Variants in BTD observed in about 807,000 individuals in gnomAD.
BTD encodes biotinidase, also known as biocytinase.
A neutral mutation model predicts 17.7 loss-of-function variants in BTD; 13 were observed. The ratio of observed to expected loss-of-function variants is 0.74; its 90% CI spans 0.48 to 1.17. The LOEUF is 1.17. Ranked by LOEUF, BTD falls within the 50% of genes most tolerant of loss-of-function variation. BTD has a pLI of 0.00. For synonymous variants in BTD, 240 were observed against 245.2 expected, an observed-to-expected ratio of 0.98 and a Z score of 0.20; for missense variants, 674 against 650.4, an observed-to-expected ratio of 1.04 and a Z score of -0.39.
At chr3:15,717,056 G>A (rs2073159179), downstream of BTD, among the ~76,000 whole-genome samples, 1 of 152,176 alleles carries the variant, frequency 6.6e-6, no homozygotes, top group Non-Finnish European at 1.5e-5. Context: ...CATTAATCTT[G>A]TTTTATAGAT....
intron 3 of BTD, among the ~76,000 whole-genome samples, chr3:15,665,586 GA>G (rs775429154): frequency 8.5e-5 from 13 of 152,206 alleles, no homozygotes; most frequent in Non-Finnish European, 1.8e-4. Context: ...CATTCCCATG[GA>G]AAAGTTGAAA....
At chr3:15,658,130 T>G (rs574769777), downstream of BTD, among the ~76,000 whole-genome samples, 28 of 148,392 alleles carry the variant, frequency 1.9e-4, no homozygotes, top group Admixed American at 7.4e-4. Flanking sequence ...ATTGCGCCAC[T>G]GCACTCCAGC....
intron 1 of BTD, among the ~76,000 whole-genome samples, chr3:15,626,797 AAAAG>A (rs1559587336): frequency 4.7e-4 from 65 of 138,010 alleles, no homozygotes; most frequent in African/African-American, 1.7e-3. Context: ...AAAAAAAAAG[AAAAG>A]AAAAGAAAAA....
At chr3:15,613,451 G>T (rs1336080979) in intron 1 of BTD, among the ~76,000 whole-genome samples, 1 of 152,018 alleles carries the variant, frequency 6.6e-6, no homozygotes, top group Non-Finnish European at 1.5e-5. Context: ...AGCCCTGCCA[G>T]ATAATATTTC....
intron 1 of BTD, among the ~76,000 whole-genome samples, chr3:15,629,362 A>T (rs181276356): frequency 6.0e-4 from 92 of 152,304 alleles, no homozygotes; most frequent in African/African-American, 2.2e-3. Context: ...ACTTCCAGGC[A>T]TGGGCTCCAG....
chr3:15,614,247 T>A (rs1269327767), intron 1 of BTD, among the ~76,000 whole-genome samples: 1 of 151,678 alleles, frequency 6.6e-6, no homozygotes, highest in East Asian at 1.9e-4. Context: ...CCTCAGCCTC[T>A]TGAGATGCTG....
chr3:15,676,013 G>GTACACATATGTGCATGTGCATGCACA, intron 3 of BTD: 1 of 1,588,792 alleles, frequency 6.3e-7, no homozygotes, highest in Non-Finnish European at 8.6e-7. Flanking sequence ...CATGATACAT[G>GTACACATATGTGCATGTGCATGCACA]TACACATATG....
At chr3:15,691,190 T>G (rs999100193) in intron 3 of BTD, among the ~76,000 whole-genome samples, 19 of 151,168 alleles carry the variant, frequency 1.3e-4, no homozygotes, top group African/African-American at 4.1e-4. Flanking sequence ...TGGCACAATC[T>G]CAGCTCACTG....
intron 1 of BTD, among the ~76,000 whole-genome samples, chr3:15,632,307 T>C (rs1031257289): frequency 1.3e-5 from 2 of 152,206 alleles, no homozygotes; most frequent in Admixed American, 6.5e-5. Context: ...TCTTGTCCAC[T>C]GTTGGACCCC....
At chr3:15,719,843 G>A (rs1010754566) in intron 4 of BTD, among the ~76,000 whole-genome samples, 6 of 151,968 alleles carry the variant, frequency 3.9e-5, no homozygotes, top group Admixed American at 2.6e-4. Flanking sequence ...GCGTGAGCCA[G>A]ACTGTATCCG....
chr3:15,642,099 A>T, intron 3 of BTD, 42 bp downstream of exon 3: 1 of 1,611,750 alleles, frequency 6.2e-7, no homozygotes, highest in Non-Finnish European at 8.5e-7. Context: ...GGGTACACAG[A>T]GGTGATCTAA....
At chr3:15,670,805 C>T (rs1000562139) in intron 3 of BTD, among the ~76,000 whole-genome samples, 9 of 152,136 alleles carry the variant, frequency 5.9e-5, no homozygotes, top group Non-Finnish European at 1.2e-4. Context: ...GAATGATTCC[C>T]CAAGGTCTCA....
Position 15,601,827 on chromosome 3 carries a change from C to A in BTD, c.-84C>A, listed in dbSNP as rs1020107804. The A allele has an allele frequency of 3.1e-6, 5 of 1,614,142 alleles. No homozygotes were observed. The highest frequency in any genetic ancestry group is 2.2e-5 in the South Asian group (2 of 91,080). On this transcript the variant is annotated 5_prime_UTR_variant, in exon 1 of 4. Transcript: ENST00000643237. Reference sequence around the variant, plus strand: ...TTGTCTCCGAGTCGGCCAGCTGGAGCGTTTTCGGGGCTGTAAAGGGAGAAT... The same window carrying A: ...TTGTCTCCGAGTCGGCCAGCTGGAGAGTTTTCGGGGCTGTAAAGGGAGAAT...
At chr3:15,708,143 C>A (rs1559377885) in intron 3 of BTD, 1 of 1,453,364 alleles carries the variant, frequency 6.9e-7, no homozygotes, top group South Asian at 1.3e-5. Flanking sequence ...GACTCTTACT[C>A]CTCCCAGTTA....
At chr3:15,670,493 A>T in intron 3 of BTD, 1 of 1,614,022 alleles carries the variant, frequency 6.2e-7, no homozygotes, top group Non-Finnish European at 8.5e-7. Context: ...CATGGTGGCC[A>T]AAATGAGAGC....
intron 1 of BTD, among the ~76,000 whole-genome samples, chr3:15,620,122 G>A (rs555188538): frequency 6.6e-6 from 1 of 152,256 alleles, no homozygotes; most frequent in South Asian, 2.1e-4. Context: ...ATGTTCAGCG[G>A]TGCACATATT....
At position 15,664,911 on chromosome 3, in the gene BTD, G is replaced by A. The variant is rs796407448; in HGVS notation, c.399+22854G>A. On this transcript the variant is annotated intron_variant, in intron 3 of 3. Transcript: ENST00000672141. ...CAAAAAACTACCTATTAAGTACGAC[G>A]CCTATTACCTGGGTGATGAAATAAT... 2.6e-5 allele frequency among the ~76,000 whole-genome samples: 4 copies of A among 151,912 alleles called. No homozygotes were observed. In the South Asian group the frequency reaches 6.2e-4, roughly 24 times the overall value.
intron 3 of BTD, among the ~76,000 whole-genome samples, chr3:15,673,072 C>T (rs898330371): frequency 2.2e-4 from 34 of 152,218 alleles, no homozygotes; most frequent in African/African-American, 8.2e-4. Flanking sequence ...CCACCATGCC[C>T]GGCCAGTTTT....
chr3:15,722,146 T>G (rs1307909633), exon 5 of BTD, among the ~76,000 whole-genome samples: 1 of 152,182 alleles, frequency 6.6e-6, no homozygotes, highest in Admixed American at 6.5e-5. Flanking sequence ...TGCCCCTGGC[T>G]TCAGGGAGGT....
Sources: gnomAD v4.1 joint callset for allele counts (sites outside exome capture counted in the v4.1 genomes callset) on GRCh38, gnomAD v4.1.1 for gene constraint, MANE v1.5 for transcripts, NCBI Gene and HGNC (gene_info 2026-07-23, HGNC 2026-07-21) for gene names.